Variants in WDFY1 observed in about 807,000 individuals in gnomAD.
WDFY1 encodes WD repeat and FYVE domain containing 1.
Under a neutral mutation model 56.4 loss-of-function variants are expected in WDFY1, and 32 were observed. The observed-to-expected ratio is 0.57, with a 90% CI of 0.43 to 0.76. The LOEUF is 0.76. Ranked by LOEUF, WDFY1 falls within the 30% of genes least tolerant of loss-of-function variation. The pLI is 0.00. For missense variants in WDFY1, 480 were observed against 545.7 expected, an observed-to-expected ratio of 0.88 and a Z score of 1.20; for synonymous variants, 192 against 197.3, an observed-to-expected ratio of 0.97 and a Z score of 0.23.
At position 223,877,549 on chromosome 2, in the gene WDFY1, T is replaced by C. The variant is rs570126964; in HGVS notation, c.*1122A>G. ...CCCAAAAGCTTTAGAAATGCCATTA[T>C]GAACAATAGCTTTTGCTAGTTGTTA... On this transcript the variant is annotated 3_prime_UTR_variant, in exon 12 of 12. Coordinates refer to ENST00000233055, the MANE Select transcript of WDFY1 (RefSeq NM_020830.5). 1 of 152,352 alleles carries C rather than the reference T, an allele frequency of 6.6e-6. No homozygotes were observed. The highest frequency in any genetic ancestry group is 2.4e-5 in the African/African-American group (1 of 41,580). 9.4% of individuals were successfully genotyped at this position (152,352 alleles called of 1,614,324 possible). A position where few individuals can be genotyped will look rare whatever the true frequency, so the allele number is the denominator to read the frequency against.
intron 1 of WDFY1, among the ~76,000 whole-genome samples, chr2:223,933,991 C>G (rs1440606730): frequency 7.4e-5 from 11 of 147,696 alleles, no homozygotes; most frequent in Non-Finnish European, 1.6e-4. Flanking sequence ...AGTCTCGAAC[C>G]CTATCCATGG....
intron 1 of WDFY1, among the ~76,000 whole-genome samples, chr2:223,927,467 C>T (rs1261139651): frequency 6.6e-6 from 1 of 152,226 alleles, no homozygotes; most frequent in Non-Finnish European, 1.5e-5. Flanking sequence ...TGTGCCAATT[C>T]TGCTAGCTTC....
intron 3 of WDFY1, among the ~76,000 whole-genome samples, chr2:223,911,017 T>C (rs2106088248): frequency 6.6e-6 from 1 of 152,300 alleles, no homozygotes; most frequent in South Asian, 2.1e-4. Context: ...ACAACCCAAA[T>C]GTCTATCAAC....
At chr2:223,913,212 C>CAAAAAA (rs60874770) in intron 2 of WDFY1, among the ~76,000 whole-genome samples, 2 of 59,798 alleles carry the variant, frequency 3.3e-5, no homozygotes, top group South Asian at 6.9e-4. Flanking sequence ...AACTCCATCT[C>CAAAAAA]AAAAAAAAAA....
At chr2:223,881,587 C>T (rs768027972) in intron 10 of WDFY1, among the ~76,000 whole-genome samples, 4 of 152,036 alleles carry the variant, frequency 2.6e-5, no homozygotes, top group South Asian at 2.1e-4. Context: ...GTCAGGAGTT[C>T]GAGACCAGCC....
At chr2:223,880,313 A>G in intron 10 of WDFY1, 81 bp from the exon 11 acceptor site, 1 of 1,260,072 alleles carries the variant, frequency 7.9e-7, no homozygotes, top group Non-Finnish European at 1.1e-6. Flanking sequence ...GCAACATAAA[A>G]TAAGCAAATA....
chr2:223,926,646 A>G (rs558045276), intron 1 of WDFY1, among the ~76,000 whole-genome samples: 1,534 of 145,126 alleles, frequency 0.011, 51 homozygotes, highest in Admixed American at 0.07. Flanking sequence ...ATATACAAAT[A>G]TGTGCGTGTG....
At position 223,898,023 on chromosome 2, in the gene WDFY1, G is replaced by A. The variant is rs532717934; in HGVS notation, c.598+935C>T. On this transcript the variant is annotated intron_variant, in intron 6 of 11. Coordinates refer to ENST00000233055, the MANE Select transcript of WDFY1 (RefSeq NM_020830.5). The stretch of plus-strand genomic sequence containing the variant: ...TTTCTTTATAAATTACCCAGTCTTA[G>A]ATATTTCTTTACTGCAATGCAAGAA... Among the ~76,000 whole-genome samples, 46 of 152,236 alleles carry A rather than the reference G, an allele frequency of 3.0e-4. No individual in the cohort carries two copies. The South Asian group carries it at 4.6e-3, about 15-fold the overall frequency.
chr2:223,927,928 G>T (rs1231854938), intron 1 of WDFY1, among the ~76,000 whole-genome samples: 1 of 152,116 alleles, frequency 6.6e-6, no homozygotes, highest in Non-Finnish European at 1.5e-5. Flanking sequence ...GGGGGGAAAG[G>T]GGGAAAGGAG....
Position 223,883,120 on chromosome 2 carries a change from A to G in WDFY1, c.934-1048T>C, listed in dbSNP as rs1049688117. Among the ~76,000 whole-genome samples, 56 of 152,176 alleles carry G rather than the reference A, an allele frequency of 3.7e-4. 1 individual carries two copies. The highest frequency in any genetic ancestry group is 7.4e-5 in the Non-Finnish European group (5 of 68,022). Reference sequence around the variant, plus strand: ...GGCTGGTTTCAAACTCCTGGGCTTAAGCCACCCTTCCACATTGGCCTCCCA... The same window carrying G: ...GGCTGGTTTCAAACTCCTGGGCTTAGGCCACCCTTCCACATTGGCCTCCCA... On this transcript the variant is annotated intron_variant, in intron 9 of 11. Transcript: ENST00000233055.
In WDFY1 at chr2:223,897,388, A is replaced by ATTTTTTTTT. The variant is rs1474375997; in HGVS notation, c.598+1569_598+1570insAAAAAAAAA. 1.0e-3 allele frequency among the ~76,000 whole-genome samples: 126 copies of ATTTTTTTTT among 125,058 alleles called. 3 individuals carry two copies. The highest frequency in any genetic ancestry group is 4.9e-3 in the East Asian group (21 of 4,326). 82.0% of individuals were successfully genotyped at this position (125,058 alleles called of 152,430 possible). A position where few individuals can be genotyped will look rare whatever the true frequency, so the allele number is the denominator to read the frequency against. ...TATATATATATATATATATATATAT[A>ATTTTTTTTT]TATTTTTTAAGACGGAGTCTCTCTC... On this transcript the variant is annotated intron_variant, in intron 6 of 11. Transcript: ENST00000233055.
At chr2:223,944,902 G>A (rs1321166029) in intron 1 of WDFY1, among the ~76,000 whole-genome samples, 1 of 151,688 alleles carries the variant, frequency 6.6e-6, no homozygotes, top group Non-Finnish European at 1.5e-5. Flanking sequence ...GGCGCGGTGG[G>A]ACAGGGGATC....
chr2:223,891,335 A>C (rs1042328313), intron 8 of WDFY1, among the ~76,000 whole-genome samples: 1 of 127,832 alleles, frequency 7.8e-6, no homozygotes. Flanking sequence ...GTGAGCCGAG[A>C]TCGCACCACT....
intron 10 of WDFY1, among the ~76,000 whole-genome samples, chr2:223,880,606 CAAAAAAAAAA>C (rs10586635): frequency 1.6e-5 from 2 of 125,416 alleles, no homozygotes; most frequent in Non-Finnish European, 3.3e-5. Flanking sequence ...GACTCAGTCT[CAAAAAAAAAA>C]AAAAAAAAAA....
At chr2:223,924,588 TCCTGG>T (rs1693948562) in intron 1 of WDFY1, among the ~76,000 whole-genome samples, 1 of 152,166 alleles carries the variant, frequency 6.6e-6, no homozygotes, top group African/African-American at 2.4e-5. Context: ...GGTCTTGGAC[TCCTGG>T]CCTCAAGTGA....
chr2:223,932,145 CG>C (rs1390203010), intron 1 of WDFY1, among the ~76,000 whole-genome samples: 1 of 104,198 alleles, frequency 9.6e-6, no homozygotes, highest in Admixed American at 1.4e-4. Context: ...TTTTTTGAGA[CG>C]AAGTCTCGCT....
At chr2:223,894,407 G>C in intron 7 of WDFY1, 68 bp from the exon 8 acceptor site, 1 of 1,478,772 alleles carries the variant, frequency 6.8e-7, no homozygotes, top group African/African-American at 1.4e-5. Context: ...CTTCATTTAG[G>C]CTCAAATTGC....
intron 5 of WDFY1, 112 bp downstream of exon 5, chr2:223,901,071 T>G (rs745894739): frequency 7.4e-7 from 1 of 1,346,348 alleles, no homozygotes; most frequent in Admixed American, 2.9e-5. Context: ...TTGCACAAAC[T>G]TAAATAGGTT....
In WDFY1 at chr2:223,912,701, C is replaced by G. The variant is rs142296497; in HGVS notation, c.206-375G>C. ...CCCTGCCACCCTTCCCATCAAATGT[C>G]AAAGAGTAGCTGTGCAAAGATGGGT... On this transcript the variant is annotated intron_variant, in intron 2 of 11. Transcript: ENST00000233055. Among the ~76,000 whole-genome samples the G allele has an allele frequency of 3.8e-3, 584 of 152,256 alleles. 3 individuals are homozygous for G. The highest frequency in any genetic ancestry group is 0.013 in the African/African-American group (552 of 41,536).
Sources: gnomAD v4.1 joint callset for allele counts (sites outside exome capture counted in the v4.1 genomes callset) on GRCh38, gnomAD v4.1.1 for gene constraint, MANE v1.5 for transcripts, NCBI Gene and HGNC (gene_info 2026-07-23, HGNC 2026-07-21) for gene names.